The following LRMDA variants were observed in gnomAD, a reference collection of about 807,000 sequenced individuals.
The protein encoded by LRMDA is leucine rich melanocyte differentiation associated.
A neutral mutation model predicts 29.8 loss-of-function variants in LRMDA; 18 were observed. The observed-to-expected ratio is 0.60, with a 90% CI of 0.42 to 0.90. LRMDA has a LOEUF of 0.90. Ranked by LOEUF, LRMDA falls within the 40% of genes least tolerant of loss-of-function variation. The pLI, the probability that LRMDA is intolerant of heterozygous loss-of-function variation, is 0.00. For missense variants in LRMDA, 273 were observed against 273.9 expected (o/e 1.00, Z 0.02); for synonymous variants, 125 against 109.4 (o/e 1.14, Z -0.89).
Position 75,486,819 on chromosome 10 carries a change from C to T in LRMDA, c.131+48325C>T, listed in dbSNP as rs938896612. On this transcript the variant is annotated intron_variant, in intron 2 of 6. Transcript: ENST00000611255. ...CTCTGCATAAGCATCTTTGTTGGGA[C>T]CATCCCAGCCATCTCATCAGACTAC... 2.7e-4 allele frequency among the ~76,000 whole-genome samples: 41 copies of T among 152,158 alleles called. 1 individual carries two copies. The highest frequency in any genetic ancestry group is 9.7e-4 in the African/African-American group (40 of 41,432).
chr10:76,456,930 A>G (rs1272184094), intron 6 of LRMDA, among the ~76,000 whole-genome samples: 1 of 152,112 alleles, frequency 6.6e-6, no homozygotes, highest in African/African-American at 2.4e-5. Flanking sequence ...CCTTGCCTTA[A>G]TTTACTGAGG....
intron 5 of LRMDA, among the ~76,000 whole-genome samples, chr10:76,313,272 GTGT>G (rs1379262854): frequency 1.3e-5 from 2 of 152,202 alleles, no homozygotes; most frequent in African/African-American, 4.8e-5. Context: ...TACATGGAAA[GTGT>G]TTAACGCAGT....
intron 2 of LRMDA, among the ~76,000 whole-genome samples, chr10:75,917,429 A>ACC (rs1448068010): frequency 1.3e-5 from 2 of 152,018 alleles, no homozygotes; most frequent in Non-Finnish European, 2.9e-5. Context: ...TTCTCCACTG[A>ACC]CCCCACAGCT....
At chr10:76,231,574 C>A (rs571680826) in intron 5 of LRMDA, among the ~76,000 whole-genome samples, 1 of 152,132 alleles carries the variant, frequency 6.6e-6, no homozygotes, top group Non-Finnish European at 1.5e-5. Context: ...CATACCTCAT[C>A]GATGTTTTTC....
intron 2 of LRMDA, among the ~76,000 whole-genome samples, chr10:75,887,338 AC>A (rs1266305369): frequency 6.6e-6 from 1 of 152,114 alleles, no homozygotes; most frequent in African/African-American, 2.4e-5. Flanking sequence ...AAAATAGGAT[AC>A]AAATATATTG....
chr10:76,274,455 A>G (rs1229835860), intron 5 of LRMDA, among the ~76,000 whole-genome samples: 1 of 152,176 alleles, frequency 6.6e-6, no homozygotes, highest in Non-Finnish European at 1.5e-5. Flanking sequence ...GTAGACTGGT[A>G]ATGCATGGCC....
chr10:76,379,500 A>T (rs907258146), intron 6 of LRMDA, among the ~76,000 whole-genome samples: 1 of 151,982 alleles, frequency 6.6e-6, no homozygotes, highest in Non-Finnish European at 1.5e-5. Flanking sequence ...TCTAATTTGT[A>T]TGCATAGAAA....
chr10:75,807,493 C>G (rs1843875570), intron 2 of LRMDA, among the ~76,000 whole-genome samples: 1 of 152,202 alleles, frequency 6.6e-6, no homozygotes, highest in Admixed American at 6.5e-5. Flanking sequence ...TCTTTTCTGT[C>G]TTCGGGATTG....
At chr10:75,721,866 A>C (rs1040790913) in intron 2 of LRMDA, among the ~76,000 whole-genome samples, 1 of 152,232 alleles carries the variant, frequency 6.6e-6, no homozygotes, top group African/African-American at 2.4e-5. Context: ...TGCTTTTTGC[A>C]TAGATCTTCG....
At chr10:76,072,628 C>G (rs540208719) in intron 5 of LRMDA, among the ~76,000 whole-genome samples, 1 of 152,304 alleles carries the variant, frequency 6.6e-6, no homozygotes, top group African/African-American at 2.4e-5. Context: ...AGCTCCTTGT[C>G]TCTCTCACCT....
At chr10:76,524,257 G>T (rs1281984179) in intron 6 of LRMDA, among the ~76,000 whole-genome samples, 1 of 152,156 alleles carries the variant, frequency 6.6e-6, no homozygotes, top group Non-Finnish European at 1.5e-5. Flanking sequence ...CTTTGAGGTT[G>T]GTGAAAGACG....
chr10:76,549,228 A>C (rs1564573749), intron 6 of LRMDA, among the ~76,000 whole-genome samples: 1 of 152,096 alleles, frequency 6.6e-6, no homozygotes, highest in East Asian at 1.9e-4. Flanking sequence ...CTACCTGTGT[A>C]GCCTCCCTGG....
At chr10:76,263,176 C>T (rs1316255754) in intron 5 of LRMDA, among the ~76,000 whole-genome samples, 1 of 152,042 alleles carries the variant, frequency 6.6e-6, no homozygotes, top group Non-Finnish European at 1.5e-5. Context: ...ACCTTTTCAT[C>T]TCTAGGGAGT....
rs3042495 is a variant in LRMDA at position 75,853,433 on chromosome 10, G to GGTGTGT, written c.132-182547_132-182542dup. ...CTAAAGCATCCACCTAAAGAAGAGGGGTGTGTGTGTGTGTGTGTGTGTGTG... is the reference window on the plus strand; with the variant it reads ...CTAAAGCATCCACCTAAAGAAGAGGGGTGTGTGTGTGTGTGTGTGTGTGTGTGTGTG... On this transcript the variant is annotated intron_variant, in intron 2 of 6. Transcript: ENST00000611255. Among the ~76,000 whole-genome samples, 743 of 147,562 alleles carry GGTGTGT rather than the reference G, an allele frequency of 5.0e-3. 8 individuals carry two copies. The highest frequency in any genetic ancestry group is 0.012 in the South Asian group (54 of 4,552).
intron 2 of LRMDA, among the ~76,000 whole-genome samples, chr10:75,805,091 T>C (rs1312650740): frequency 6.6e-6 from 1 of 152,226 alleles, no homozygotes; most frequent in African/African-American, 2.4e-5. Context: ...ATCCGCGCAG[T>C]CAAGGACCTT....
intron 2 of LRMDA, among the ~76,000 whole-genome samples, chr10:75,867,782 T>C (rs1260394203): frequency 6.6e-6 from 1 of 152,204 alleles, no homozygotes; most frequent in Non-Finnish European, 1.5e-5. Flanking sequence ...TGCAGACCTA[T>C]GATCTTTGGA....
intron 2 of LRMDA, among the ~76,000 whole-genome samples, chr10:75,964,908 G>A (rs1040028649): frequency 1.1e-4 from 16 of 152,150 alleles, no homozygotes; most frequent in Admixed American, 8.5e-4. Context: ...GGGATTACAG[G>A]TGTGTGCCAC....
chr10:76,356,668 G>T (rs1250595167), intron 6 of LRMDA, among the ~76,000 whole-genome samples: 1 of 152,150 alleles, frequency 6.6e-6, no homozygotes, highest in Non-Finnish European at 1.5e-5. Flanking sequence ...TCACTCCTAT[G>T]TATGCGTGTA....
intron 2 of LRMDA, among the ~76,000 whole-genome samples, chr10:75,990,357 T>C (rs1847346789): frequency 6.6e-6 from 1 of 152,238 alleles, no homozygotes; most frequent in Non-Finnish European, 1.5e-5. Flanking sequence ...ATTATGAATC[T>C]TACCCTTGGC....
Sources: allele counts gnomAD v4.1 joint callset (sites outside exome capture counted in the v4.1 genomes callset), GRCh38; gene constraint gnomAD v4.1.1; transcripts MANE v1.5; gene names NCBI Gene and HGNC (gene_info 2026-07-23, HGNC 2026-07-21).